Variants in UPP2 observed in about 807,000 individuals in gnomAD.
UPP2 encodes the protein uridine phosphorylase 2.
Under a neutral mutation model 26.7 loss-of-function variants are expected in UPP2, and 23 were observed. The observed-to-expected ratio is 0.86, with a 90% CI of 0.62 to 1.22. The LOEUF (loss-of-function observed/expected upper bound fraction) is 1.22, where lower values mean the gene tolerates loss of function less well. UPP2 is among the 50% of genes most tolerant of loss of function. The probability of loss-of-function intolerance (pLI) is 0.00; values close to 1 mark genes in which losing one functional copy is unlikely to be tolerated. For synonymous variants in UPP2, 127 were observed against 141.3 expected (o/e 0.90, Z 0.72); for missense variants, 387 against 396.7 (o/e 0.98, Z 0.21).
At chr2:158,039,143 T>C (rs13007683) in intron 3 of UPP2, among the ~76,000 whole-genome samples, 28,124 of 152,192 alleles carry the variant, frequency 0.18, 3,602 homozygotes, top group East Asian at 0.48. Context: ...AGTTGCTCTG[T>C]GGGTTTCTGA....
At chr2:158,051,779 TCAA>T (rs57339979) in intron 3 of UPP2, among the ~76,000 whole-genome samples, 2,464 of 150,422 alleles carry the variant, frequency 0.016, 74 homozygotes, top group African/African-American at 0.057. Context: ...AGACTCCACC[TCAA>T]CAACAACAAC....
intron 4 of UPP2, among the ~76,000 whole-genome samples, chr2:158,119,176 C>T (rs796363590): frequency 2.7e-4 from 41 of 152,178 alleles, no homozygotes; most frequent in African/African-American, 9.6e-4. Flanking sequence ...TCATAGCCAA[C>T]ATTCATGCAT....
intron 3 of UPP2, among the ~76,000 whole-genome samples, chr2:158,032,299 C>A (rs571300103): frequency 1.3e-5 from 2 of 151,956 alleles, no homozygotes; most frequent in Non-Finnish European, 2.9e-5. Flanking sequence ...ATGTTCATGG[C>A]GAGACTGGGG....
chr2:158,056,732 G>A (rs1183302631), intron 3 of UPP2, among the ~76,000 whole-genome samples: 2 of 152,158 alleles, frequency 1.3e-5, no homozygotes, highest in African/African-American at 4.8e-5. Context: ...AGTCGTACTG[G>A]ATTCAGGACC....
chr2:158,011,968 A>G (rs1357144450), intron 2 of UPP2, among the ~76,000 whole-genome samples: 2 of 152,100 alleles, frequency 1.3e-5, no homozygotes, highest in Non-Finnish European at 2.9e-5. Context: ...CTATGGCCGT[A>G]TATGGTCTCC....
intron 3 of UPP2, chr2:158,065,989 T>C (rs1682428154): frequency 2.5e-6 from 1 of 404,678 alleles, no homozygotes; most frequent in Non-Finnish European, 4.6e-6. Flanking sequence ...ACTTTTGTAT[T>C]TGGAGAAGTA....
intron 3 of UPP2, among the ~76,000 whole-genome samples, chr2:158,068,334 T>A (rs1682469997): frequency 6.6e-6 from 1 of 152,236 alleles, no homozygotes; most frequent in African/African-American, 2.4e-5. Context: ...ATCAGGCTAG[T>A]TAACCCGAGG....
chr2:158,047,901 A>C (rs1682057242), intron 3 of UPP2, among the ~76,000 whole-genome samples: 1 of 152,060 alleles, frequency 6.6e-6, no homozygotes, highest in Non-Finnish European at 1.5e-5. Flanking sequence ...CTTACCTCAG[A>C]TTTATTAGGA....
chr2:158,095,098 C>G (rs1682965468), intron 3 of UPP2, among the ~76,000 whole-genome samples: 1 of 152,124 alleles, frequency 6.6e-6, no homozygotes, highest in Non-Finnish European at 1.5e-5. Context: ...CAGGGGCAGA[C>G]AGAAATTGCT....
upstream of UPP2, among the ~76,000 whole-genome samples, chr2:158,097,523 G>T (rs1441673528): frequency 6.6e-6 from 1 of 152,102 alleles, no homozygotes; most frequent in Non-Finnish European, 1.5e-5. Context: ...ATATGTCATT[G>T]TTTTGTATTT....
At chr2:158,025,711 G>C (rs1365338566) in intron 3 of UPP2, among the ~76,000 whole-genome samples, 1 of 152,212 alleles carries the variant, frequency 6.6e-6, no homozygotes, top group Non-Finnish European at 1.5e-5. Flanking sequence ...AAGGCTGCTG[G>C]TCACTTAGTG....
upstream of UPP2, among the ~76,000 whole-genome samples, chr2:158,099,972 C>T (rs1683047838): frequency 6.6e-6 from 1 of 152,150 alleles, no homozygotes; most frequent in South Asian, 2.1e-4. Context: ...CTGAGTTTGC[C>T]TTGTGCACTC....
intron 3 of UPP2, among the ~76,000 whole-genome samples, chr2:158,116,316 G>T (rs1235014677): frequency 6.6e-6 from 1 of 152,168 alleles, no homozygotes; most frequent in African/African-American, 2.4e-5. Flanking sequence ...CCAACATTTA[G>T]TGGACCTTTA....
chr2:158,031,022 A>AT (rs149456889), intron 3 of UPP2, among the ~76,000 whole-genome samples: 36 of 150,238 alleles, frequency 2.4e-4, no homozygotes, highest in East Asian at 9.7e-4. Flanking sequence ...GAGTTGTGTT[A>AT]TTTTTTTTTT....
At chr2:158,086,054 G>T (rs1682809533) in intron 3 of UPP2, among the ~76,000 whole-genome samples, 1 of 151,902 alleles carries the variant, frequency 6.6e-6, no homozygotes, top group Non-Finnish European at 1.5e-5. Flanking sequence ...TCTCTATCTT[G>T]TGGAATAGTG....
intron 3 of UPP2, among the ~76,000 whole-genome samples, chr2:158,085,182 AG>A (rs2105197808): frequency 6.6e-6 from 1 of 152,030 alleles, no homozygotes; most frequent in Non-Finnish European, 1.5e-5. Flanking sequence ...AGTGTTTTGC[AG>A]TTTTCCTTGT....
intron 6 of UPP2, among the ~76,000 whole-genome samples, chr2:158,125,622 G>A (rs1683677203): frequency 6.6e-6 from 1 of 152,200 alleles, no homozygotes; most frequent in Non-Finnish European, 1.5e-5. Flanking sequence ...GGGTTTCAAT[G>A]TTGGCCAGAC....
In UPP2 at chr2:158,034,886, T is replaced by A. The variant is rs1019539256; in HGVS notation, c.147+19000T>A. Among the ~76,000 whole-genome samples the A allele has an allele frequency of 2.6e-5, 4 of 152,260 alleles. No individual in the cohort carries two copies. The South Asian group carries it at 8.3e-4, about 32-fold the overall frequency. On this transcript the variant is annotated intron_variant, in intron 3 of 9. Coordinates refer to the UPP2 transcript ENST00000605860. ...TGTCAGTCCAGCCTGGAGAACTCTT[T>A]TCTGAATTAAGTTGGCCCTCCTCCA...
chr2:158,021,540 T>C (rs1479846301), intron 3 of UPP2, among the ~76,000 whole-genome samples: 1 of 152,260 alleles, frequency 6.6e-6, no homozygotes, highest in East Asian at 1.9e-4. Context: ...TCCTATGTGC[T>C]TGGATTCATG....
Sources: allele counts gnomAD v4.1 joint callset (sites outside exome capture counted in the v4.1 genomes callset), GRCh38; gene constraint gnomAD v4.1.1; transcripts MANE v1.5; gene names NCBI Gene and HGNC (gene_info 2026-07-23, HGNC 2026-07-21).